FGF13: variants seen among roughly 807,000 people sequenced by gnomAD.
FGF13 encodes the protein fibroblast growth factor homologous factor 2.
FGF13 carries 2 observed loss-of-function variants against 19.5 expected under a neutral mutation model. That is an observed-to-expected ratio of 0.10 (90% CI 0.04 to 0.32). FGF13 has a LOEUF of 0.32. FGF13 is among the 10% of genes least tolerant of loss of function. The probability of loss-of-function intolerance (pLI) is 1.00; values close to 1 mark genes in which losing one functional copy is unlikely to be tolerated. For synonymous variants in FGF13, 72 were observed against 76.9 expected (o/e 0.94, Z 0.33); for missense variants, 113 against 192.7 (o/e 0.59, Z 2.45).
intron 3 of FGF13, among the ~76,000 whole-genome samples, chrX:138,777,267 T>C (rs2090594913): frequency 9.0e-6 from 1 of 111,669 alleles, no homozygotes; most frequent in Admixed American, 9.5e-5. Context: ...CCCAGGACTC[T>C]CTTCCCTTAC....
chrX:139,146,913 G>T (rs2083894619), intron 1 of FGF13, among the ~76,000 whole-genome samples: 1 of 100,087 alleles, frequency 1.0e-5, no homozygotes, highest in Non-Finnish European at 2.0e-5. Flanking sequence ...GGTGGGAATT[G>T]AACAATAAGA....
intron 1 of FGF13, among the ~76,000 whole-genome samples, chrX:139,132,602 T>C (rs927846982): frequency 1.8e-5 from 2 of 112,305 alleles, no homozygotes; most frequent in Admixed American, 9.4e-5. Flanking sequence ...GAGCAAATAA[T>C]GTGATTAGTT....
At chrX:139,203,181 G>A (rs181118739) in intron 1 of FGF13, among the ~76,000 whole-genome samples, 321 of 111,829 alleles carry the variant, frequency 2.9e-3, no homozygotes, top group South Asian at 0.025. Context: ...TCCCCAACCC[G>A]CCGATGGGAG....
chrX:138,807,841 C>A (rs893260714), intron 3 of FGF13, among the ~76,000 whole-genome samples: 1 of 111,164 alleles, frequency 9.0e-6, no homozygotes, highest in Non-Finnish European at 1.9e-5. Context: ...TCAAAAGAGA[C>A]AAAGGCCATT....
At position 138,706,633 on chromosome X, in the gene FGF13, A is replaced by G. The variant is rs150536255; in HGVS notation, c.298+2185T>C. ...ATATTATATACATGAGTGATAGTTG[A>G]AAAAAACAACTTGTATTCTCGTTAT... On this transcript the variant is annotated intron_variant, in intron 2 of 4. Coordinates refer to ENST00000315930, the MANE Select transcript of FGF13 (RefSeq NM_004114.5). Among the ~76,000 whole-genome samples, 943 of 112,269 alleles carry G rather than the reference A, an allele frequency of 8.4e-3. 11 individuals are homozygous for G. The highest frequency in any genetic ancestry group is 0.029 in the African/African-American group (907 of 30,906).
At chrX:138,787,562 T>G (rs1371408274) in intron 3 of FGF13, among the ~76,000 whole-genome samples, 1 of 111,876 alleles carries the variant, frequency 8.9e-6, no homozygotes, top group Non-Finnish European at 1.9e-5. Context: ...TTTATTTTGC[T>G]CTAAGTTCCC....
At position 138,703,150 on chromosome X, in the gene FGF13, T is replaced by G. The variant is rs754461799; in HGVS notation, c.299-63A>C. 282 of 887,456 alleles carry G rather than the reference T, an allele frequency of 3.2e-4. 1 individual carries two copies. Among genetic ancestry groups the G allele is most frequent in the Non-Finnish European group, 1.9e-4 (117 of 604,063 alleles). 73.1% of individuals were successfully genotyped at this position (887,456 alleles called of 1,213,427 possible). A position where few individuals can be genotyped will look rare whatever the true frequency, so the allele number is the denominator to read the frequency against. ...TCTGAATTTCAGAACTTTTCAATGT[T>G]TCCAGCAGGACTGCCTGGTCCTCCA... On this transcript the variant is annotated intron_variant, in intron 2 of 4. Coordinates refer to ENST00000315930, the MANE Select transcript of FGF13 (RefSeq NM_004114.5).
chrX:139,140,360 G>A (rs2083833411), intron 1 of FGF13, among the ~76,000 whole-genome samples: 1 of 111,232 alleles, frequency 9.0e-6, no homozygotes, highest in Non-Finnish European at 1.9e-5. Context: ...CCTCATTCCT[G>A]ACATGCTACC....
intron 3 of FGF13, among the ~76,000 whole-genome samples, chrX:138,784,261 C>T (rs776586128): frequency 0.011 from 1,079 of 98,806 alleles, 9 homozygotes; most frequent in Non-Finnish European, 0.016. Context: ...CACATGTATA[C>T]GTATGTAACT....
intron 3 of FGF13, among the ~76,000 whole-genome samples, chrX:138,828,395 C>T (rs2091048423): frequency 1.8e-5 from 2 of 109,547 alleles, no homozygotes; most frequent in South Asian, 4.0e-4. Flanking sequence ...GGTGAAACCC[C>T]GTCTCTACTA....
At chrX:138,766,669 C>T (rs1204760036) in intron 3 of FGF13, among the ~76,000 whole-genome samples, 1 of 111,562 alleles carries the variant, frequency 9.0e-6, no homozygotes, top group Non-Finnish European at 1.9e-5. Context: ...TCTATTTTTC[C>T]CTAGCAGGTG....
chrX:138,938,733 C>T (rs1466699094), intron 1 of FGF13, among the ~76,000 whole-genome samples: 1 of 111,621 alleles, frequency 9.0e-6, no homozygotes, highest in East Asian at 2.8e-4. Flanking sequence ...TTTTGTTATT[C>T]AATGATGAAT....
intron 1 of FGF13, among the ~76,000 whole-genome samples, chrX:139,095,300 G>A (rs1473916301): frequency 8.9e-6 from 1 of 112,215 alleles, no homozygotes; most frequent in Non-Finnish European, 1.9e-5. Context: ...ACAAGAAGCA[G>A]CCAAAGGAAT....
upstream of FGF13, chrX:139,203,935 G>T: frequency 1.5e-6 from 1 of 687,824 alleles, no homozygotes. Flanking sequence ...TCCCGGGGTC[G>T]CAGAGGTCAT....
At chrX:138,634,801 G>C (rs571505892) in intron 4 of FGF13, among the ~76,000 whole-genome samples, 1 of 112,114 alleles carries the variant, frequency 8.9e-6, no homozygotes, top group Admixed American at 9.4e-5. Context: ...CTGCTGGCGA[G>C]AATGTAAATC....
intron 1 of FGF13, among the ~76,000 whole-genome samples, chrX:139,052,215 T>C (rs756275488): frequency 9.0e-6 from 1 of 111,214 alleles, no homozygotes; most frequent in Non-Finnish European, 1.9e-5. Flanking sequence ...TACACTAATA[T>C]GAAGATATTT....
Position 138,624,589 on chromosome X carries a change from T to C in FGF13, c.*8261A>G, listed in dbSNP as rs938368933. 8.9e-6 allele frequency: 1 copy of C among 111,802 alleles called. No homozygotes were observed. Among genetic ancestry groups the C allele is most frequent in the Admixed American group, 9.5e-5 (1 of 10,570 alleles). The allele number at this position is 111,802 out of a possible 1,213,427, so 9.2% of individuals were successfully genotyped here. A position where few individuals can be genotyped will look rare whatever the true frequency, so the allele number is the denominator to read the frequency against. Reference sequence around the variant, plus strand: ...AGTCAGACTACATTAAATTAAAAAGTTTCAAAGCCAGGCATGGTGGCCCAT... The same window carrying C: ...AGTCAGACTACATTAAATTAAAAAGCTTCAAAGCCAGGCATGGTGGCCCAT... On this transcript the variant is annotated 3_prime_UTR_variant, in exon 5 of 5. Transcript: ENST00000315930.
At chrX:138,749,369 A>G (rs989274913) in intron 3 of FGF13, among the ~76,000 whole-genome samples, 21 of 105,151 alleles carry the variant, frequency 2.0e-4, no homozygotes, top group African/African-American at 7.3e-4. Flanking sequence ...ACACACACAC[A>G]CGTACACATA....
intron 1 of FGF13, among the ~76,000 whole-genome samples, chrX:138,967,625 T>A (rs945649204): frequency 1.8e-5 from 2 of 110,764 alleles, no homozygotes; most frequent in Non-Finnish European, 3.8e-5. Context: ...ACCAGGGAAA[T>A]CAACATCCAT....
Sources: gnomAD v4.1 joint callset for allele counts (sites outside exome capture counted in the v4.1 genomes callset) on GRCh38, gnomAD v4.1.1 for gene constraint, MANE v1.5 for transcripts, NCBI Gene and HGNC (gene_info 2026-07-23, HGNC 2026-07-21) for gene names.